The following RASGRF2 variants were observed in gnomAD, a reference collection of about 807,000 sequenced individuals.
RASGRF2 encodes the protein ras-specific guanine nucleotide-releasing factor 2.
In RASGRF2, 76 loss-of-function variants were observed where a neutral mutation model predicts 151.0. The ratio of observed to expected loss-of-function variants is 0.50; its 90% confidence interval spans 0.42 to 0.61. The LOEUF (loss-of-function observed/expected upper bound fraction) is 0.61. Ranked by LOEUF, RASGRF2 falls within the 20% of genes least tolerant of loss-of-function variation. The pLI, the probability that RASGRF2 is intolerant of heterozygous loss-of-function variation, is 0.00. For synonymous variants in RASGRF2, 504 were observed against 566.5 expected (o/e 0.89, Z 1.57); for missense variants, 1,148 against 1,564.6 (o/e 0.73, Z 4.49).
intron 1 of RASGRF2, among the ~76,000 whole-genome samples, chr5:81,034,637 A>C (rs948149388): frequency 4.0e-5 from 6 of 151,800 alleles, no homozygotes; most frequent in African/African-American, 1.4e-4. Context: ...TGATGAGTTC[A>C]TGTCCTTTGT....
intron 18 of RASGRF2, among the ~76,000 whole-genome samples, chr5:81,182,938 C>G (rs1401753673): frequency 2.6e-5 from 4 of 152,202 alleles, no homozygotes; most frequent in African/African-American, 9.7e-5. Context: ...GTCAACCAAC[C>G]CTCACCCTTA....
chr5:81,140,709 G>A (rs17213885), intron 17 of RASGRF2, among the ~76,000 whole-genome samples: 44,088 of 152,082 alleles, frequency 0.29, 6,651 homozygotes, highest in Middle Eastern at 0.43. Flanking sequence ...CTGCACTGCC[G>A]AGTTCCTTTT....
At chr5:81,115,150 C>CT (rs899973798) in intron 15 of RASGRF2, among the ~76,000 whole-genome samples, 4 of 152,116 alleles carry the variant, frequency 2.6e-5, no homozygotes, top group African/African-American at 7.2e-5. Flanking sequence ...TGCATAGAGG[C>CT]TTGCCTTTCT....
At position 81,160,144 on chromosome 5, in the gene RASGRF2, G is replaced by A. The variant is rs999662635; in HGVS notation, c.2687-20031G>A. On this transcript the variant is annotated intron_variant, in intron 17 of 26. Coordinates refer to ENST00000265080, the MANE Select transcript of RASGRF2 (RefSeq NM_006909.3). ...CTCTACAAAATAAAAAATAGGCCGGGTGCGGTGGCTCACACCTGTAATCCC... is the reference window on the plus strand; with the variant it reads ...CTCTACAAAATAAAAAATAGGCCGGATGCGGTGGCTCACACCTGTAATCCC... 7.2e-5 allele frequency among the ~76,000 whole-genome samples: 11 copies of A among 152,310 alleles called. No individual in the cohort carries two copies. In the South Asian group the frequency reaches 8.3e-4, roughly 11 times the overall value.
chr5:81,217,238 A>G (rs1414754995), intron 24 of RASGRF2, 118 bp from the exon 25 acceptor site: 1 of 1,415,964 alleles, frequency 7.1e-7, no homozygotes, highest in East Asian at 2.4e-5. Context: ...AACTGAAATA[A>G]AAAGGTTTTG....
chr5:81,130,722 C>G (rs1022805869), intron 17 of RASGRF2, among the ~76,000 whole-genome samples: 34 of 135,228 alleles, frequency 2.5e-4, no homozygotes, highest in Admixed American at 1.4e-3. Flanking sequence ...TCAGGAATTG[C>G]CAGCCCGGAT....
At chr5:81,092,698 C>G in intron 9 of RASGRF2, 103 bp from the exon 10 acceptor site, 2 of 1,051,736 alleles carry the variant, frequency 1.9e-6, no homozygotes, top group Admixed American at 2.3e-5. Context: ...TAAATCAATC[C>G]CTGGTATTTT....
chr5:81,018,621 T>A (rs1039224212), intron 1 of RASGRF2, among the ~76,000 whole-genome samples: 2 of 151,892 alleles, frequency 1.3e-5, no homozygotes, highest in Non-Finnish European at 2.9e-5. Context: ...CATCAATATA[T>A]CCAATGTTTA....
intron 18 of RASGRF2, among the ~76,000 whole-genome samples, chr5:81,184,038 G>A (rs898935274): frequency 3.9e-5 from 6 of 152,116 alleles, no homozygotes; most frequent in Admixed American, 2.0e-4. Context: ...TGAACACATG[G>A]CAGATGCCCA....
chr5:80,994,378 A>AG (rs1748762531), intron 1 of RASGRF2, among the ~76,000 whole-genome samples: 1 of 151,336 alleles, frequency 6.6e-6, no homozygotes, highest in African/African-American at 2.4e-5. Context: ...AAAAAAAAAA[A>AG]AAAAAGAGGT....
intron 4 of RASGRF2, among the ~76,000 whole-genome samples, chr5:81,072,065 C>A (rs1415849596): frequency 1.3e-5 from 2 of 151,858 alleles, no homozygotes; most frequent in Non-Finnish European, 2.9e-5. Context: ...ATTTTTTGTT[C>A]TTTATGTCCC....
At chr5:81,153,679 G>A (rs1754188222) in intron 17 of RASGRF2, among the ~76,000 whole-genome samples, 1 of 151,992 alleles carries the variant, frequency 6.6e-6, no homozygotes, top group African/African-American at 2.4e-5. Flanking sequence ...TGAATAGAAA[G>A]CAAATAGAAA....
chr5:81,141,256 A>G (rs1476613285), intron 17 of RASGRF2, among the ~76,000 whole-genome samples: 1 of 152,182 alleles, frequency 6.6e-6, no homozygotes, highest in Non-Finnish European at 1.5e-5. Flanking sequence ...TGCCACTCCC[A>G]TGTATCTTCT....
chr5:80,989,424 T>G (rs1748579560), intron 1 of RASGRF2, among the ~76,000 whole-genome samples: 2 of 152,230 alleles, frequency 1.3e-5, no homozygotes, highest in African/African-American at 4.8e-5. Flanking sequence ...AACATACTTA[T>G]GGAAATGTTA....
chr5:81,007,378 G>A (rs983962038), intron 1 of RASGRF2, among the ~76,000 whole-genome samples: 1 of 152,146 alleles, frequency 6.6e-6, no homozygotes, highest in Non-Finnish European at 1.5e-5. Flanking sequence ...TAGCTCCTGA[G>A]AGACCACTCT....
intron 9 of RASGRF2, among the ~76,000 whole-genome samples, chr5:81,091,801 C>T (rs1269184299): frequency 6.6e-6 from 1 of 152,048 alleles, no homozygotes; most frequent in Non-Finnish European, 1.5e-5. Context: ...TGTCTACAAT[C>T]TCATCTCTTA....
chr5:81,022,440 C>T (rs1288477393), intron 1 of RASGRF2, among the ~76,000 whole-genome samples: 1 of 152,204 alleles, frequency 6.6e-6, no homozygotes, highest in Non-Finnish European at 1.5e-5. Context: ...AGGGTCACCA[C>T]CCATATTGTC....
chr5:81,062,016 A>ACC (rs570149018), intron 2 of RASGRF2, among the ~76,000 whole-genome samples: 5 of 126,310 alleles, frequency 4.0e-5, no homozygotes, highest in South Asian at 2.5e-4. Flanking sequence ...AAAAAAAAAA[A>ACC]AAAAAAAACT....
chr5:81,180,675 G>A (rs1754895117), intron 18 of RASGRF2, among the ~76,000 whole-genome samples: 2 of 118,042 alleles, frequency 1.7e-5, no homozygotes, highest in South Asian at 2.7e-4. Context: ...TGGTATCCCC[G>A]CCCCCCACCC....
Sources: gnomAD v4.1 joint callset for allele counts (sites outside exome capture counted in the v4.1 genomes callset) on GRCh38, gnomAD v4.1.1 for gene constraint, MANE v1.5 for transcripts, NCBI Gene and HGNC (gene_info 2026-07-23, HGNC 2026-07-21) for gene names.